The following ANKRD44 variants were observed in gnomAD, a reference collection of about 807,000 sequenced individuals.
ANKRD44 encodes the protein serine/threonine-protein phosphatase 6 regulatory ankyrin repeat subunit B.
A neutral mutation model predicts 116.0 loss-of-function variants in ANKRD44; 35 were observed. The ratio of observed to expected loss-of-function variants is 0.30; its 90% confidence interval spans 0.23 to 0.40. The LOEUF (loss-of-function observed/expected upper bound fraction) is 0.40. Among genes scored for constraint, ANKRD44 ranks in the 10% least tolerant of loss-of-function variants. The probability of loss-of-function intolerance (pLI) is 1.00; values close to 1 mark genes in which losing one functional copy is unlikely to be tolerated. For synonymous variants in ANKRD44, 435 were observed against 461.8 expected, an observed-to-expected ratio of 0.94 and a Z score of 0.74; for missense variants, 1,014 against 1,242.6, an observed-to-expected ratio of 0.82 and a Z score of 2.77.
chr2:197,166,160 C>G (rs940833962), intron 2 of ANKRD44, among the ~76,000 whole-genome samples: 5 of 152,136 alleles, frequency 3.3e-5, no homozygotes, highest in African/African-American at 1.2e-4. Context: ...TTCAGTACAA[C>G]CCCCACCACT....
At position 197,310,662 on chromosome 2, in the gene ANKRD44, G is replaced by A; in HGVS notation, c.-58C>T. The A allele has an allele frequency of 3.0e-6, 4 of 1,312,914 alleles. No homozygotes were observed. The highest frequency in any genetic ancestry group is 1.5e-5 in the South Asian group (1 of 66,324). The allele number at this position is 1,312,914 out of a possible 1,614,324, so 81.3% of individuals were successfully genotyped here. A position where few individuals can be genotyped will look rare whatever the true frequency, so the allele number is the denominator to read the frequency against. On this transcript the variant is annotated 5_prime_UTR_variant, in exon 1 of 28. Transcript: ENST00000282272. Reference sequence around the variant, plus strand: ...GTCCCCGGCCCGCAGATGTCACGCCGGGAGCCGGGGAAGCGGAAGGGATTG... The same window carrying A: ...GTCCCCGGCCCGCAGATGTCACGCCAGGAGCCGGGGAAGCGGAAGGGATTG...
rs1211343368 is a variant in ANKRD44 at position 197,310,692 on chromosome 2, G to A, written c.-88C>T. The A allele has an allele frequency of 1.6e-6, 2 of 1,245,358 alleles. No homozygotes were observed. Among genetic ancestry groups the A allele is most frequent in the Non-Finnish European group, 2.1e-6 (2 of 968,176 alleles). 77.1% of individuals were successfully genotyped at this position (1,245,358 alleles called of 1,614,324 possible). On this transcript the variant is annotated 5_prime_UTR_variant, in exon 1 of 28. Transcript: ENST00000282272. ...CCGGGGAAGCGGAAGGGATTGCCAG[G>A]AGAAGGGAAAAAATCTGGCTCCCGA... is the stretch of plus-strand genomic sequence containing the variant.
At position 196,975,624 on chromosome 2, in the gene ANKRD44, TTA is replaced by T. The variant is rs1491274976; in HGVS notation, c.2369-8180_2369-8179del. Among the ~76,000 whole-genome samples the T allele has an allele frequency of 2.7e-4, 40 of 147,622 alleles. 1 individual carries two copies. Among genetic ancestry groups the T allele is most frequent in the Admixed American group, 8.1e-4 (12 of 14,806 alleles). Reference sequence around the variant, plus strand: ...CACGGTGTCACACTGTTTTTTTTTTTTAAAAAAAATACAAAAATTAGCCAGGT... The same window carrying T: ...CACGGTGTCACACTGTTTTTTTTTTTAAAAAAATACAAAAATTAGCCAGGT... On this transcript the variant is annotated intron_variant, in intron 21 of 21. Transcript: ENST00000424317.
chr2:197,270,981 G>A (rs2082882427), intron 1 of ANKRD44, among the ~76,000 whole-genome samples: 1 of 152,170 alleles, frequency 6.6e-6, no homozygotes, highest in African/African-American at 2.4e-5. Flanking sequence ...CACCAGGGCT[G>A]GCTCCATGAG....
In ANKRD44 at chr2:197,201,225, C is replaced by T. The variant is rs1008425437; in HGVS notation, c.28-14119G>A. Among the ~76,000 whole-genome samples, 1 of 152,084 alleles carries T rather than the reference C, an allele frequency of 6.6e-6. No homozygotes were observed. Among genetic ancestry groups the T allele is most frequent in the Non-Finnish European group, 1.5e-5 (1 of 68,028 alleles). On this transcript the variant is annotated intron_variant, in intron 1 of 27. Coordinates refer to ENST00000282272, the MANE Select transcript of ANKRD44 (RefSeq NM_001195144.2). The surrounding 1 kb of genome is among the most constrained non-coding windows in gnomAD (Gnocchi z 4.0). ...AAACATTAGGAAAACAAGATGCACTCCCAGAATGTTCATGTGAAGGGCACG... is the reference window on the plus strand; with the variant it reads ...AAACATTAGGAAAACAAGATGCACTTCCAGAATGTTCATGTGAAGGGCACG...
In ANKRD44 at chr2:197,005,779, C is replaced by G; in HGVS notation, c.2262G>C (p.Glu754Asp). 1 of 1,614,236 alleles carries G rather than the reference C, an allele frequency of 6.2e-7. No individual in the cohort carries two copies. The highest frequency in any genetic ancestry group is 1.1e-5 in the South Asian group (1 of 91,088). ...CCTCAGAAAGAGCCATTTGGAGCAGCTCGCTCAGCCACGTGGCGTGGCCAC... is the reference window on the plus strand; with the variant it reads ...CCTCAGAAAGAGCCATTTGGAGCAGGTCGCTCAGCCACGTGGCGTGGCCAC... ...AARGHATWLS[E>D]LLQMALSEED... Residue 754 changes from glutamate (E) to aspartate (D), a missense_variant, in exon 21 of 28, where the codon GAG becomes GAC. By Grantham distance (45) the Glu-to-Asp change is conservative. Transcript: ENST00000282272.
At chr2:197,289,666 G>A (rs952735151) in intron 1 of ANKRD44, among the ~76,000 whole-genome samples, 6 of 152,176 alleles carry the variant, frequency 3.9e-5, no homozygotes, top group Non-Finnish European at 8.8e-5. Context: ...TTCATCTGTA[G>A]TAACAGACAG....
At chr2:197,274,010 T>TAGATATATATAG (rs57305877) in intron 1 of ANKRD44, among the ~76,000 whole-genome samples, 10 of 86,092 alleles carry the variant, frequency 1.2e-4, no homozygotes, top group East Asian at 3.2e-4. Flanking sequence ...TATATATATA[T>TAGATATATATAG]ATATATATAT....
chr2:197,137,226 G>C (rs1357506875), intron 3 of ANKRD44, among the ~76,000 whole-genome samples: 1 of 152,206 alleles, frequency 6.6e-6, no homozygotes, highest in Non-Finnish European at 1.5e-5. Context: ...TCTGGTCAGA[G>C]ATGGGATGTT....
In ANKRD44 at chr2:197,159,006, CAT is replaced by C. The variant is rs1418645860; in HGVS notation, c.112-11903_112-11902del. Among the ~76,000 whole-genome samples, 148 of 151,080 alleles carry C rather than the reference CAT, an allele frequency of 9.8e-4. 2 individuals are homozygous for C. The highest frequency in any genetic ancestry group is 2.1e-3 in the African/African-American group (86 of 40,998). On this transcript the variant is annotated intron_variant, in intron 2 of 27. Transcript: ENST00000282272. ...ACAAACACACACACACACACACACA[CAT>C]ACACACACATACACACGGTATTAGA...
chr2:197,219,725 G>T (rs1046290806), intron 1 of ANKRD44, among the ~76,000 whole-genome samples: 1 of 152,166 alleles, frequency 6.6e-6, no homozygotes, highest in Non-Finnish European at 1.5e-5. Context: ...GGATCATGTG[G>T]TGTAAATCAC....
intron 12 of ANKRD44, 45 bp downstream of exon 12, chr2:197,088,666 A>G (rs2125169535): frequency 3.0e-6 from 4 of 1,353,550 alleles, no homozygotes; most frequent in Non-Finnish European, 4.1e-6. Context: ...GTCAATAAAG[A>G]TGAATTAGTA....
intron 3 of ANKRD44, among the ~76,000 whole-genome samples, chr2:197,146,051 G>C (rs1227745735): frequency 6.6e-6 from 1 of 152,170 alleles, no homozygotes; most frequent in Non-Finnish European, 1.5e-5. Flanking sequence ...TTGGAAACCT[G>C]TTTGGTGAGA....
At position 196,987,445 on chromosome 2, in the gene ANKRD44, A is replaced by T; in HGVS notation, c.*2146T>A. 2 of 985,410 alleles carry T rather than the reference A, an allele frequency of 2.0e-6. No homozygotes were observed. Among genetic ancestry groups the T allele is most frequent in the South Asian group, 4.7e-5 (1 of 21,278 alleles). 61.0% of individuals were successfully genotyped at this position (985,410 alleles called of 1,614,324 possible). A position where few individuals can be genotyped will look rare whatever the true frequency, so the allele number is the denominator to read the frequency against. On this transcript the variant is annotated 3_prime_UTR_variant, in exon 28 of 28. Coordinates refer to ENST00000282272, the MANE Select transcript of ANKRD44 (RefSeq NM_001195144.2). ...AAAGGCACTCTAACTTCATATTACAAGACAATAAAACGGATGAGTTCTTCA... is the reference window on the plus strand; with the variant it reads ...AAAGGCACTCTAACTTCATATTACATGACAATAAAACGGATGAGTTCTTCA...
intron 2 of ANKRD44, among the ~76,000 whole-genome samples, chr2:197,182,126 A>G (rs2080522328): frequency 6.6e-6 from 1 of 152,176 alleles, no homozygotes; most frequent in Admixed American, 6.5e-5. Flanking sequence ...CTGCCTTCCA[A>G]ATTTTGAAAT....
At position 196,989,105 on chromosome 2, in the gene ANKRD44, G is replaced by A. The variant is rs1392280313; in HGVS notation, c.*486C>T. On this transcript the variant is annotated 3_prime_UTR_variant, in exon 28 of 28. Coordinates refer to ENST00000282272, the MANE Select transcript of ANKRD44 (RefSeq NM_001195144.2). ...TGCTAGGTTTGGCCCTTGGGCTTTTGGCTAGCCCAGGGTCAAGTGTTTTTT... is the reference window on the plus strand; with the variant it reads ...TGCTAGGTTTGGCCCTTGGGCTTTTAGCTAGCCCAGGGTCAAGTGTTTTTT... The A allele has an allele frequency of 1.0e-6, 1 of 985,192 alleles. No individual in the cohort carries two copies. Among genetic ancestry groups the A allele is most frequent in the African/African-American group, 1.7e-5 (1 of 57,152 alleles). The allele number at this position is 985,192 out of a possible 1,614,324, so 61.0% of individuals were successfully genotyped here. A position where few individuals can be genotyped will look rare whatever the true frequency, so the allele number is the denominator to read the frequency against.
intron 1 of ANKRD44, among the ~76,000 whole-genome samples, chr2:197,213,860 G>A (rs1220994287): frequency 6.6e-6 from 1 of 152,090 alleles, no homozygotes; most frequent in Non-Finnish European, 1.5e-5. Flanking sequence ...GGTACATACA[G>A]CAACTTTAAG....
chr2:197,136,854 T>C (rs995972265), intron 3 of ANKRD44, among the ~76,000 whole-genome samples, 192 bp from the exon 4 acceptor site: 1 of 152,224 alleles, frequency 6.6e-6, no homozygotes, highest in Non-Finnish European at 1.5e-5. Flanking sequence ...TACCTAAAAA[T>C]CTGGGACTAG....
At chr2:197,019,885 C>T (rs564954352) in intron 17 of ANKRD44, among the ~76,000 whole-genome samples, 1 of 152,024 alleles carries the variant, frequency 6.6e-6, no homozygotes, top group South Asian at 2.1e-4. Flanking sequence ...CAGCCTCCAC[C>T]TCCCGGGTTC....
Sources: allele counts gnomAD v4.1 joint callset (sites outside exome capture counted in the v4.1 genomes callset), GRCh38; gene constraint gnomAD v4.1.1; non-coding constraint Gnocchi (gnomAD v3.1); transcripts MANE v1.5; gene names NCBI Gene and HGNC (gene_info 2026-07-23, HGNC 2026-07-21).